RBFOX1: variants seen among roughly 807,000 people sequenced by gnomAD.
The protein encoded by RBFOX1 is RNA binding protein fox-1 homolog 1.
A neutral mutation model predicts 57.7 loss-of-function variants in RBFOX1; 8 were observed. The observed-to-expected ratio is 0.14, with a 90% confidence interval of 0.08 to 0.25. The LOEUF is 0.25. Among genes scored for constraint, RBFOX1 ranks in the 10% least tolerant of loss-of-function variants. The pLI, the probability that RBFOX1 is intolerant of heterozygous loss-of-function variation, is 1.00. For synonymous variants in RBFOX1, 326 were observed against 222.4 expected, an observed-to-expected ratio of 1.47 and a Z score of -4.15; for missense variants, 611 against 548.5, an observed-to-expected ratio of 1.11 and a Z score of -1.14.
At chr16:5,907,839 C>G (rs1226164321) in intron 4 of RBFOX1, among the ~76,000 whole-genome samples, 1 of 151,886 alleles carries the variant, frequency 6.6e-6, no homozygotes, top group African/African-American at 2.4e-5. Flanking sequence ...TAGCCTCTGC[C>G]TCCCAGGTTC....
chr16:7,052,826 G>C (rs2050575817), intron 4 of RBFOX1, among the ~76,000 whole-genome samples: 1 of 152,120 alleles, frequency 6.6e-6, no homozygotes, highest in Non-Finnish European at 1.5e-5. Flanking sequence ...TCTTCTAAAT[G>C]AATTCGTGTT....
At chr16:6,884,602 A>T (rs926273332) in intron 3 of RBFOX1, among the ~76,000 whole-genome samples, 12 of 152,264 alleles carry the variant, frequency 7.9e-5, no homozygotes, top group East Asian at 1.9e-4. Context: ...ATTAAAAAAC[A>T]AAAAAAACTA....
chr16:5,467,921 A>G (rs918288257), intron 2 of RBFOX1, among the ~76,000 whole-genome samples: 1 of 152,158 alleles, frequency 6.6e-6, no homozygotes, highest in African/African-American at 2.4e-5. Flanking sequence ...TTTTTATTAT[A>G]TATGTAAATT....
intron 4 of RBFOX1, among the ~76,000 whole-genome samples, chr16:7,400,757 C>G (rs1033171083): frequency 6.6e-6 from 1 of 152,118 alleles, no homozygotes; most frequent in African/African-American, 2.4e-5. Context: ...GTAATCCAGT[C>G]AATTAAAAAT....
chr16:7,474,629 T>C (rs2062252582), intron 4 of RBFOX1, among the ~76,000 whole-genome samples: 1 of 152,228 alleles, frequency 6.6e-6, no homozygotes, highest in African/African-American at 2.4e-5. Context: ...TTAAGGAGCC[T>C]GGCTCTAAAG....
intron 2 of RBFOX1, among the ~76,000 whole-genome samples, chr16:6,619,229 G>T (rs1210277150): frequency 6.6e-6 from 1 of 151,918 alleles, no homozygotes; most frequent in Non-Finnish European, 1.5e-5. Flanking sequence ...CAGTGAGGCA[G>T]CTGGGCTAAC....
intron 1 of RBFOX1, among the ~76,000 whole-genome samples, chr16:6,081,287 T>A (rs1165545108): frequency 1.3e-5 from 2 of 152,218 alleles, no homozygotes; most frequent in Non-Finnish European, 2.9e-5. Flanking sequence ...TCATCTCTCA[T>A]TGGACAAGGT....
At chr16:7,190,102 T>A (rs2085000844) in intron 4 of RBFOX1, among the ~76,000 whole-genome samples, 1 of 152,250 alleles carries the variant, frequency 6.6e-6, no homozygotes, top group African/African-American at 2.4e-5. Flanking sequence ...GGCTCACTCC[T>A]GTAATCCCAG....
At chr16:7,377,377 C>G (rs772736799) in intron 4 of RBFOX1, among the ~76,000 whole-genome samples, 1 of 152,148 alleles carries the variant, frequency 6.6e-6, no homozygotes, top group Non-Finnish European at 1.5e-5. Context: ...AGAACCAGGC[C>G]TGTTTACCTT....
At chr16:7,199,495 A>C (rs1220958084) in intron 4 of RBFOX1, among the ~76,000 whole-genome samples, 1 of 152,228 alleles carries the variant, frequency 6.6e-6, no homozygotes, top group Non-Finnish European at 1.5e-5. Context: ...AAGTTTTAAC[A>C]CAGCCAAACA....
chr16:6,283,675 C>T (rs374901834), intron 1 of RBFOX1, among the ~76,000 whole-genome samples: 4 of 152,146 alleles, frequency 2.6e-5, no homozygotes, highest in South Asian at 2.1e-4. Flanking sequence ...AGTATAGTGA[C>T]GGAGTTTCAC....
At chr16:6,654,556 G>T (rs1186830050) in intron 2 of RBFOX1, 47 bp from the exon 3 acceptor site, 1 of 1,423,354 alleles carries the variant, frequency 7.0e-7, no homozygotes, top group East Asian at 2.6e-5. Flanking sequence ...CCATAAGTCT[G>T]ACTCCTGTTC....
intron 5 of RBFOX1, among the ~76,000 whole-genome samples, chr16:7,527,642 G>A (rs941923520): frequency 3.3e-5 from 5 of 152,106 alleles, no homozygotes; most frequent in East Asian, 1.9e-4. Flanking sequence ...GGGACCATAG[G>A]CACGTTACAT....
At chr16:5,689,866 G>A (rs1430867490) in intron 3 of RBFOX1, among the ~76,000 whole-genome samples, 1 of 152,106 alleles carries the variant, frequency 6.6e-6, no homozygotes, top group East Asian at 1.9e-4. Context: ...TCACAAGGAA[G>A]GGAATGAACT....
intron 3 of RBFOX1, chr16:5,611,247 G>C (rs886474423): frequency 2.6e-5 from 4 of 152,198 alleles, no homozygotes; most frequent in African/African-American, 9.7e-5. Flanking sequence ...GTCTGGGTTG[G>C]TTTGGCAGTG....
At chr16:7,639,105 G>C (rs7191740) in intron 11 of RBFOX1, among the ~76,000 whole-genome samples, 28,907 of 152,018 alleles carry the variant, frequency 0.19, 3,235 homozygotes, top group African/African-American at 0.3. Context: ...CAAGATACAG[G>C]AATTGGGTGG....
intron 4 of RBFOX1, among the ~76,000 whole-genome samples, chr16:5,982,233 G>T (rs905602847): frequency 2.6e-5 from 4 of 152,068 alleles, no homozygotes; most frequent in African/African-American, 9.7e-5. Flanking sequence ...TTCTGGAATA[G>T]TCCAGGGATG....
intron 2 of RBFOX1, among the ~76,000 whole-genome samples, chr16:6,487,880 T>C (rs1025606253): frequency 6.6e-6 from 1 of 151,604 alleles, no homozygotes; most frequent in African/African-American, 2.4e-5. Context: ...TGGTCCTTTT[T>C]CCTTACACAC....
intron 4 of RBFOX1, among the ~76,000 whole-genome samples, chr16:7,326,742 C>T (rs947982787): frequency 2.0e-5 from 3 of 151,946 alleles, no homozygotes; most frequent in African/African-American, 7.3e-5. Flanking sequence ...CGACAGAGCC[C>T]AGATCCCCCA....
Sources: allele counts gnomAD v4.1 joint callset (sites outside exome capture counted in the v4.1 genomes callset), GRCh38; gene constraint gnomAD v4.1.1; transcripts MANE v1.5; gene names NCBI Gene and HGNC (gene_info 2026-07-23, HGNC 2026-07-21).